Variants in SPECC1 observed in about 807,000 individuals in gnomAD.
The protein encoded by SPECC1 is cytospin-B.
SPECC1 carries 62 observed loss-of-function variants against 104.1 expected under a neutral mutation model. The observed-to-expected ratio is 0.60, with a 90% CI of 0.49 to 0.74. The LOEUF is 0.74. Ranked by LOEUF, SPECC1 falls within the 30% of genes least tolerant of loss-of-function variation. The pLI is 0.00. For synonymous variants in SPECC1, 513 were observed against 501.6 expected, an observed-to-expected ratio of 1.02 and a Z score of -0.30; for missense variants, 1,306 against 1,310.5, an observed-to-expected ratio of 1.00 and a Z score of 0.05.
At chr17:20,235,538 T>C (rs1334146087) in intron 7 of SPECC1, among the ~76,000 whole-genome samples, 3 of 152,270 alleles carry the variant, frequency 2.0e-5, no homozygotes, top group South Asian at 2.1e-4. Context: ...TGTAATGATA[T>C]ATTGTGCCGC....
chr17:20,123,217 AT>A (rs2049123713), intron 3 of SPECC1, among the ~76,000 whole-genome samples: 3 of 152,242 alleles, frequency 2.0e-5, no homozygotes, highest in Admixed American at 2.0e-4. Flanking sequence ...GGAAGTGCCC[AT>A]TTAGATGTTT....
At chr17:20,224,468 A>G (rs1007661000) in intron 4 of SPECC1, among the ~76,000 whole-genome samples, 2 of 152,208 alleles carry the variant, frequency 1.3e-5, no homozygotes, top group Admixed American at 6.5e-5. Context: ...GGGTCTAGAA[A>G]TGCTACTTGG....
chr17:20,062,528 A>C (rs762151182), intron 1 of SPECC1, among the ~76,000 whole-genome samples: 1 of 151,778 alleles, frequency 6.6e-6, no homozygotes, highest in Non-Finnish European at 1.5e-5. Context: ...GTGCCTGGCT[A>C]ATTTTTAAAA....
At chr17:20,293,522 G>GT (rs1299815232) in intron 12 of SPECC1, among the ~76,000 whole-genome samples, 2 of 152,196 alleles carry the variant, frequency 1.3e-5, no homozygotes, top group African/African-American at 4.8e-5. Context: ...GGAGGAAACA[G>GT]TGGTCAGTGT....
intron 1 of SPECC1, among the ~76,000 whole-genome samples, chr17:20,031,812 C>T (rs185061211): frequency 2.0e-5 from 3 of 152,276 alleles, no homozygotes; most frequent in Admixed American, 1.3e-4. Flanking sequence ...AAGGTTTAGC[C>T]ATGTTGTAGC....
chr17:20,302,667 G>A (rs1191115534), intron 13 of SPECC1, among the ~76,000 whole-genome samples: 1 of 151,126 alleles, frequency 6.6e-6, no homozygotes, highest in South Asian at 2.1e-4. Context: ...CTTCAGAGTA[G>A]CTGGGATTAC....
chr17:20,203,808 A>T (rs2036588615), intron 3 of SPECC1, among the ~76,000 whole-genome samples: 1 of 152,232 alleles, frequency 6.6e-6, no homozygotes, highest in African/African-American at 2.4e-5. Context: ...ACTTATAGGA[A>T]GGGTATTTAC....
chr17:20,091,086 A>T (rs1434638323), intron 1 of SPECC1, among the ~76,000 whole-genome samples: 2 of 151,934 alleles, frequency 1.3e-5, no homozygotes, highest in African/African-American at 4.8e-5. Flanking sequence ...TGTTTTTATC[A>T]CTTCTTTTTT....
intron 9 of SPECC1, among the ~76,000 whole-genome samples, chr17:20,247,649 G>A (rs1183629376): frequency 6.6e-6 from 1 of 152,238 alleles, no homozygotes; most frequent in South Asian, 2.1e-4. Context: ...TTGCAGAAAC[G>A]ATTCTTTTTA....
intron 3 of SPECC1, among the ~76,000 whole-genome samples, chr17:20,115,630 T>C (rs1226328630): frequency 6.6e-6 from 1 of 152,170 alleles, no homozygotes; most frequent in Non-Finnish European, 1.5e-5. Flanking sequence ...TTTTGGAATA[T>C]AATCTATCAT....
At chr17:20,171,789 C>T (rs1024905436) in intron 3 of SPECC1, among the ~76,000 whole-genome samples, 1 of 152,154 alleles carries the variant, frequency 6.6e-6, no homozygotes, top group Non-Finnish European at 1.5e-5. Flanking sequence ...AATGTGAATT[C>T]TGGTACCAGC....
At chr17:20,010,913 T>C (rs76012736) in intron 1 of SPECC1, among the ~76,000 whole-genome samples, 8,523 of 152,288 alleles carry the variant, frequency 0.056, 310 homozygotes, top group Non-Finnish European at 0.084. Context: ...CCAAATGCTT[T>C]TGTGTAGCAT....
intron 9 of SPECC1, among the ~76,000 whole-genome samples, chr17:20,253,059 T>C (rs1380471081): frequency 2.0e-5 from 3 of 151,782 alleles, no homozygotes; most frequent in Non-Finnish European, 4.4e-5. Context: ...TTTTTGATGA[T>C]GGTCTTCCTA....
At chr17:20,044,180 C>T (rs534678732) in intron 1 of SPECC1, among the ~76,000 whole-genome samples, 3 of 151,796 alleles carry the variant, frequency 2.0e-5, no homozygotes, top group Admixed American at 6.6e-5. Context: ...GTTCATAGGC[C>T]CTGGGCAGAT....
At chr17:20,251,224 C>CA (rs58071050) in intron 9 of SPECC1, among the ~76,000 whole-genome samples, 6,322 of 50,988 alleles carry the variant, frequency 0.12, 1,057 homozygotes, top group Non-Finnish European at 0.16. Flanking sequence ...GACTCTATCT[C>CA]AAAAAAAAAA....
At chr17:20,063,813 C>T (rs1481032487) in intron 1 of SPECC1, among the ~76,000 whole-genome samples, 1 of 137,730 alleles carries the variant, frequency 7.3e-6, no homozygotes. Context: ...CCTAAGATCA[C>T]AGTCAGGCTA....
intron 1 of SPECC1, among the ~76,000 whole-genome samples, chr17:20,036,957 A>T (rs1352771122): frequency 1.3e-5 from 2 of 152,212 alleles, no homozygotes; most frequent in Non-Finnish European, 2.9e-5. Flanking sequence ...AGTCTTTTGT[A>T]AGCTTTATCA....
chr17:20,010,185 A>G (rs1211437762), intron 1 of SPECC1: 1 of 138,990 alleles, frequency 7.2e-6, no homozygotes, highest in Non-Finnish European at 1.5e-5. Context: ...GACTCTGAAT[A>G]TCTTATTTTG....
chr17:20,117,885 G>T (rs929182015), intron 3 of SPECC1, among the ~76,000 whole-genome samples: 6 of 151,902 alleles, frequency 3.9e-5, no homozygotes, highest in Non-Finnish European at 8.8e-5. Flanking sequence ...CGGGCTGATT[G>T]CTTGAGCCCA....
Sources: gnomAD v4.1 joint callset for allele counts (sites outside exome capture counted in the v4.1 genomes callset) on GRCh38, gnomAD v4.1.1 for gene constraint, MANE v1.5 for transcripts, NCBI Gene and HGNC (gene_info 2026-07-23, HGNC 2026-07-21) for gene names.